RPS6KA2: variants seen among roughly 807,000 people sequenced by gnomAD.
RPS6KA2 encodes the protein ribosomal protein S6 kinase A2.
Under a neutral mutation model 91.8 loss-of-function variants are expected in RPS6KA2, and 42 were observed. The observed-to-expected ratio is 0.46, with a 90% CI of 0.36 to 0.59. The LOEUF (loss-of-function observed/expected upper bound fraction) is 0.59, where lower values mean the gene tolerates loss of function less well. Ranked by LOEUF, RPS6KA2 falls within the 20% of genes least tolerant of loss-of-function variation. The pLI is 0.00. For synonymous variants in RPS6KA2, 414 were observed against 393.6 expected (o/e 1.05, Z -0.61); for missense variants, 798 against 978.5 (o/e 0.82, Z 2.46).
Position 166,423,523 on chromosome 6 carries a change from G to T in RPS6KA2, c.1582-106C>A. ...GGTGCATTTGGGAACTGTCTTCCTA[G>T]CAGGTCCTGCAAGCAGGCAACAGGC... is the stretch of plus-strand genomic sequence containing the variant. On this transcript the variant is annotated intron_variant, in intron 16 of 20. Transcript: ENST00000265678. The surrounding 1 kb of genome is among the most constrained non-coding windows in gnomAD (Gnocchi z 4.8). 9.0e-7 allele frequency: 1 copy of T among 1,113,600 alleles called. No individual in the cohort carries two copies. The highest frequency in any genetic ancestry group is 1.3e-6 in the Non-Finnish European group (1 of 784,282). The allele number at this position is 1,113,600 out of a possible 1,614,324, so 69.0% of individuals were successfully genotyped here. A position where few individuals can be genotyped will look rare whatever the true frequency, so the allele number is the denominator to read the frequency against.
rs2128475757 is a variant in RPS6KA2 at position 166,495,683 on chromosome 6, A to C, written c.747+2825T>G. Among the ~76,000 whole-genome samples the C allele has an allele frequency of 6.6e-6, 1 of 152,284 alleles. No individual in the cohort carries two copies. Among genetic ancestry groups the C allele is most frequent in the African/African-American group, 2.4e-5 (1 of 41,528 alleles). Reference sequence around the variant, plus strand: ...GTGCTGGGGCATCTTGGGTAAGGTGACTGGTGTTTAAGAAACTCCACGTGC... The same window carrying C: ...GTGCTGGGGCATCTTGGGTAAGGTGCCTGGTGTTTAAGAAACTCCACGTGC... On this transcript the variant is annotated intron_variant, in intron 8 of 20. Coordinates refer to ENST00000265678, the MANE Select transcript of RPS6KA2 (RefSeq NM_021135.6). This position sits in a 1 kb window ranked among gnomAD's most constrained non-coding sequence, Gnocchi z 4.4.
At chr6:166,788,976 A>C (rs899725772) in intron 2 of RPS6KA2, among the ~76,000 whole-genome samples, 3 of 152,190 alleles carry the variant, frequency 2.0e-5, no homozygotes, top group African/African-American at 7.2e-5. Flanking sequence ...CTGAGGTACC[A>C]GGTTCATCTC....
intron 2 of RPS6KA2, among the ~76,000 whole-genome samples, chr6:166,723,028 G>C (rs986869017): frequency 3.3e-5 from 5 of 152,214 alleles, no homozygotes; most frequent in African/African-American, 9.7e-5. Flanking sequence ...CAAGGACTTA[G>C]AGAAAAAGCT....
intron 2 of RPS6KA2, among the ~76,000 whole-genome samples, chr6:166,682,628 A>C (rs756702286): frequency 6.6e-6 from 1 of 152,250 alleles, no homozygotes; most frequent in Non-Finnish European, 1.5e-5. Context: ...AATCCCAAGA[A>C]GAAAACTGGG....
intron 1 of RPS6KA2, among the ~76,000 whole-genome samples, chr6:166,592,731 C>T (rs1408758373): frequency 6.6e-6 from 1 of 152,110 alleles, no homozygotes; most frequent in Non-Finnish European, 1.5e-5. Context: ...TGCCCACCTG[C>T]GGTCTGCCCT....
chr6:166,513,280 C>G lies in RPS6KA2; in HGVS notation c.299-2923G>C, dbSNP rs527974026. ...GAGCTGGGGGATACTAGTGTCTCCC[C>G]TAAACCTCAGCACCTCCTTCCCCAG... On this transcript the variant is annotated intron_variant, in intron 3 of 20. Transcript: ENST00000265678. Among the ~76,000 whole-genome samples, 10 of 152,268 alleles carry G rather than the reference C, an allele frequency of 6.6e-5. No individual in the cohort carries two copies. The South Asian group carries it at 1.9e-3, about 28-fold the overall frequency.
At chr6:166,787,217 T>A (rs1017526944) in intron 2 of RPS6KA2, among the ~76,000 whole-genome samples, 14 of 152,244 alleles carry the variant, frequency 9.2e-5, no homozygotes, top group African/African-American at 2.7e-4. Context: ...GTGTTTTTTT[T>A]ATCATGATGT....
chr6:166,585,238 G>A (rs369958594), intron 1 of RPS6KA2, among the ~76,000 whole-genome samples: 3 of 152,204 alleles, frequency 2.0e-5, no homozygotes, highest in South Asian at 2.1e-4. Flanking sequence ...GCTGGGAAAC[G>A]AAGCCGTCCT....
At position 166,461,224 on chromosome 6, in the gene RPS6KA2, T is replaced by G. The variant is rs556583439; in HGVS notation, c.973-1673A>C. On this transcript the variant is annotated intron_variant, in intron 11 of 20. Transcript: ENST00000265678. Reference sequence around the variant, plus strand: ...ATTTCCTGCCTTGGGGGCATAGATTTCATTAGCACCGAGTTACTCTTCAAG... The same window carrying G: ...ATTTCCTGCCTTGGGGGCATAGATTGCATTAGCACCGAGTTACTCTTCAAG... Among the ~76,000 whole-genome samples, 4 of 152,276 alleles carry G rather than the reference T, an allele frequency of 2.6e-5. No homozygotes were observed. In the East Asian group the frequency reaches 7.7e-4, roughly 29 times the overall value.
At chr6:166,467,126 CCTCACTCATTAACTCATTCATTCA>C (rs1780566300) in intron 11 of RPS6KA2, among the ~76,000 whole-genome samples, 1 of 150,288 alleles carries the variant, frequency 6.7e-6, no homozygotes, top group Non-Finnish European at 1.5e-5. Flanking sequence ...TCACTCACTC[CCTCACTCATTAACTCATTCATTCA>C]CTCACTCATT....
intron 2 of RPS6KA2, among the ~76,000 whole-genome samples, chr6:166,720,615 T>C (rs1403755775): frequency 3.3e-5 from 5 of 152,220 alleles, no homozygotes; most frequent in Non-Finnish European, 7.3e-5. Flanking sequence ...CACTAAATAA[T>C]TCACTTTTTG....
intron 2 of RPS6KA2, among the ~76,000 whole-genome samples, chr6:166,783,630 C>T (rs979805278): frequency 2.6e-5 from 4 of 152,032 alleles, no homozygotes; most frequent in Admixed American, 2.6e-4. Context: ...ATATCTATAA[C>T]TGCATATATA....
intron 2 of RPS6KA2, among the ~76,000 whole-genome samples, chr6:166,735,385 G>C (rs1199155619): frequency 6.6e-6 from 1 of 152,178 alleles, no homozygotes; most frequent in Non-Finnish European, 1.5e-5. Context: ...TTGGCACCAG[G>C]GACTGGTTTT....
chr6:166,685,640 C>A (rs1788988775), intron 2 of RPS6KA2, among the ~76,000 whole-genome samples: 2 of 152,158 alleles, frequency 1.3e-5, no homozygotes, highest in Non-Finnish European at 1.5e-5. Context: ...CCACTGCATC[C>A]CAGCTTTTGA....
chr6:166,475,677 C>T (rs1329283321), intron 10 of RPS6KA2: 2 of 462,064 alleles, frequency 4.3e-6, no homozygotes, highest in Non-Finnish European at 8.9e-6. Flanking sequence ...TACACATTCA[C>T]TGAACAGATC....
chr6:166,461,885 A>G (rs1053608714), intron 11 of RPS6KA2, among the ~76,000 whole-genome samples: 2 of 151,934 alleles, frequency 1.3e-5, no homozygotes, highest in Non-Finnish European at 2.9e-5. Flanking sequence ...AGCCTCTGAT[A>G]AAACCATCCC....
At chr6:166,766,126 C>T (rs1243333036) in intron 2 of RPS6KA2, among the ~76,000 whole-genome samples, 2 of 152,162 alleles carry the variant, frequency 1.3e-5, no homozygotes, top group Admixed American at 6.5e-5. Context: ...GTGGCAGTGA[C>T]TTGTTTGATT....
chr6:166,615,884 A>G (rs1263842068), intron 1 of RPS6KA2, among the ~76,000 whole-genome samples: 1 of 152,194 alleles, frequency 6.6e-6, no homozygotes, highest in Non-Finnish European at 1.5e-5. Context: ...CCCTTTGTGA[A>G]CAAGGGGATG....
rs975528102 is a variant in RPS6KA2 at position 166,757,703 on chromosome 6, C to T, written c.123+100497G>A. ...CGTCCTCGTCACCAGGCAGCCACCC[C>T]GCACACCTCCTCTTCCCTCCCCTCA... On this transcript the variant is annotated intron_variant, in intron 2 of 21. Coordinates refer to the RPS6KA2 transcript ENST00000503859. 6.6e-5 allele frequency: 28 copies of T among 423,206 alleles called. 1 individual carries two copies. Among genetic ancestry groups the T allele is most frequent in the Middle Eastern group, 9.3e-4 (2 of 2,162 alleles). 26.2% of individuals were successfully genotyped at this position (423,206 alleles called of 1,614,324 possible). A position where few individuals can be genotyped will look rare whatever the true frequency, so the allele number is the denominator to read the frequency against.
Sources: allele counts gnomAD v4.1 joint callset (sites outside exome capture counted in the v4.1 genomes callset), GRCh38; gene constraint gnomAD v4.1.1; non-coding constraint Gnocchi (gnomAD v3.1); transcripts MANE v1.5; gene names NCBI Gene and HGNC (gene_info 2026-07-23, HGNC 2026-07-21).